The following LINGO2 variants were observed in gnomAD, a reference collection of about 807,000 sequenced individuals.
LINGO2 encodes leucine-rich repeat and immunoglobulin-like domain-containing nogo receptor-interacting protein 2.
LINGO2 carries 14 observed loss-of-function variants against 30.6 expected under a neutral mutation model. The observed-to-expected ratio is 0.46, with a 90% CI of 0.30 to 0.72. LINGO2 has a LOEUF of 0.72. Among genes scored for constraint, LINGO2 ranks in the 30% least tolerant of loss-of-function variants. LINGO2 has a pLI of 0.07. For missense variants in LINGO2, 729 were observed against 751.7 expected (o/e 0.97, Z 0.35); for synonymous variants, 317 against 288.5 (o/e 1.10, Z -1.00).
chr9:29,057,045 A>T, the LINGO2 span, among the ~76,000 whole-genome samples: 1 of 151,792 alleles, frequency 6.6e-6, no homozygotes, highest in Non-Finnish European at 1.5e-5. Context: ...CTATTTGTTT[A>T]GTCTTGCTTT....
At chr9:28,540,062 G>A (rs1821608148) in intron 1 of LINGO2, among the ~76,000 whole-genome samples, 3 of 152,192 alleles carry the variant, frequency 2.0e-5, no homozygotes, top group East Asian at 1.9e-4. Context: ...TGGGGATGAG[G>A]GAGATAGGAA....
chr9:28,776,113 A>G, the LINGO2 span, among the ~76,000 whole-genome samples: 1 of 152,190 alleles, frequency 6.6e-6, no homozygotes. Context: ...AGTTTATGGA[A>G]TACTTTTGTT....
the LINGO2 span, among the ~76,000 whole-genome samples, chr9:29,101,808 C>G: frequency 6.6e-6 from 1 of 152,092 alleles, no homozygotes; most frequent in African/African-American, 2.4e-5. Context: ...ATCCAGTCTT[C>G]TGTTGATGGA....
chr9:28,800,154 T>C, the LINGO2 span, among the ~76,000 whole-genome samples: 1 of 152,052 alleles, frequency 6.6e-6, no homozygotes, highest in African/African-American at 2.4e-5. Flanking sequence ...ATTCATAGCA[T>C]CTTTCTATAT....
chr9:28,091,169 C>T lies in LINGO2; in HGVS notation c.-86-78764G>A, dbSNP rs1826072642. On this transcript the variant is annotated intron_variant, in intron 4 of 5. Transcript: ENST00000379992. ...GTAATTTATAGATTCAATGCCATCC[C>T]CATCAAGCTTCCAATGACTTTCTTC... Among the ~76,000 whole-genome samples, 3 of 152,124 alleles carry T rather than the reference C, an allele frequency of 2.0e-5. No homozygotes were observed. In the South Asian group the frequency reaches 6.2e-4, roughly 32 times the overall value.
intron 3 of LINGO2, among the ~76,000 whole-genome samples, chr9:28,333,393 T>G (rs767544356): frequency 6.6e-6 from 1 of 152,160 alleles, no homozygotes; most frequent in Non-Finnish European, 1.5e-5. Flanking sequence ...AAAGGACAGA[T>G]TTGTATAAGG....
the LINGO2 span, among the ~76,000 whole-genome samples, chr9:29,212,929 C>A: frequency 3.3e-5 from 5 of 152,224 alleles, no homozygotes; most frequent in African/African-American, 9.6e-5. Context: ...TACCTTGAGG[C>A]GCTGTTAATT....
At chr9:28,912,387 A>T in the LINGO2 span, among the ~76,000 whole-genome samples, 1 of 151,954 alleles carries the variant, frequency 6.6e-6, no homozygotes, top group Non-Finnish European at 1.5e-5. Context: ...CTAGTCATTT[A>T]CATATTCTCT....
At chr9:28,547,377 T>C (rs1010418871) in intron 1 of LINGO2, among the ~76,000 whole-genome samples, 18 of 152,242 alleles carry the variant, frequency 1.2e-4, no homozygotes, top group African/African-American at 3.8e-4. Flanking sequence ...CTTTAAAATG[T>C]TCCATTTGCA....
At chr9:27,985,847 A>C in intron 5 of LINGO2, among the ~76,000 whole-genome samples, 1 of 151,864 alleles carries the variant, frequency 6.6e-6, no homozygotes. Flanking sequence ...CAGTGAGGTG[A>C]AAATTGCAAT....
chr9:28,211,626 T>C (rs1038270380), intron 4 of LINGO2, among the ~76,000 whole-genome samples: 2 of 151,500 alleles, frequency 1.3e-5, no homozygotes, highest in East Asian at 1.9e-4. Flanking sequence ...AAACTTTTTC[T>C]TGCATTTCTT....
At chr9:28,532,469 C>G (rs1005022959) in intron 1 of LINGO2, among the ~76,000 whole-genome samples, 4 of 152,080 alleles carry the variant, frequency 2.6e-5, no homozygotes, top group East Asian at 1.9e-4. Context: ...AGAAGGGAGG[C>G]CTTTGTCACT....
chr9:28,100,486 C>T (rs1382073632), intron 4 of LINGO2, among the ~76,000 whole-genome samples: 1 of 152,124 alleles, frequency 6.6e-6, no homozygotes, highest in Non-Finnish European at 1.5e-5. Flanking sequence ...GAAATGAACA[C>T]ATGCTGATGA....
chr9:28,252,806 G>T (rs988896100), intron 4 of LINGO2, among the ~76,000 whole-genome samples: 1 of 152,000 alleles, frequency 6.6e-6, no homozygotes, highest in Non-Finnish European at 1.5e-5. Context: ...AATAGTACAA[G>T]ATGTGGAAAT....
chr9:28,767,662 T>C, the LINGO2 span, among the ~76,000 whole-genome samples: 4 of 151,702 alleles, frequency 2.6e-5, no homozygotes, highest in Non-Finnish European at 4.4e-5. Flanking sequence ...GGTGGGTGCC[T>C]GTAGTCCCAG....
the LINGO2 span, among the ~76,000 whole-genome samples, chr9:28,870,023 G>C: frequency 2.7e-5 from 4 of 146,698 alleles, no homozygotes; most frequent in Admixed American, 2.7e-4. Flanking sequence ...TTCAGAATCA[G>C]AAAAAAAAAA....
At chr9:28,983,901 G>A in the LINGO2 span, among the ~76,000 whole-genome samples, 1 of 151,950 alleles carries the variant, frequency 6.6e-6, no homozygotes, top group African/African-American at 2.4e-5. Context: ...GATATACCTT[G>A]CTCCTCAGTC....
the LINGO2 span, among the ~76,000 whole-genome samples, chr9:28,858,546 G>A: frequency 0.042 from 6,353 of 151,956 alleles, 434 homozygotes; most frequent in African/African-American, 0.14. Flanking sequence ...CTCCATTTCT[G>A]TCCCCCCGTC....
intron 4 of LINGO2, among the ~76,000 whole-genome samples, chr9:28,045,350 A>G (rs989635110): frequency 1.3e-5 from 2 of 152,166 alleles, no homozygotes; most frequent in African/African-American, 4.8e-5. Flanking sequence ...TTAAACTGGA[A>G]GAAATTAAGC....
Sources: allele counts gnomAD v4.1 joint callset (sites outside exome capture counted in the v4.1 genomes callset), GRCh38; gene constraint gnomAD v4.1.1; transcripts MANE v1.5; gene names NCBI Gene and HGNC (gene_info 2026-07-23, HGNC 2026-07-21).